Variants in IQCM observed in about 807,000 individuals in gnomAD.
IQCM encodes IQ domain-containing protein M.
IQCM carries 45 observed loss-of-function variants against 57.6 expected under a neutral mutation model. The observed-to-expected ratio is 0.78, with a 90% CI of 0.62 to 1.00. The LOEUF is 1.00. Among genes scored for constraint, IQCM ranks in the 50% least tolerant of loss-of-function variants. IQCM has a pLI of 0.00. For missense variants in IQCM, 468 were observed against 511.6 expected, an observed-to-expected ratio of 0.91 and a Z score of 0.82; for synonymous variants, 148 against 158.9, an observed-to-expected ratio of 0.93 and a Z score of 0.51.
intron 12 of IQCM, among the ~76,000 whole-genome samples, chr4:149,441,558 G>T (rs796582711): frequency 6.6e-6 from 1 of 152,256 alleles, no homozygotes; most frequent in South Asian, 2.1e-4. Context: ...TGGGTTAGCA[G>T]CTGAGTCATT....
intron 7 of IQCM, among the ~76,000 whole-genome samples, chr4:149,649,932 A>T (rs921484257): frequency 6.6e-6 from 1 of 152,224 alleles, no homozygotes; most frequent in Non-Finnish European, 1.5e-5. Context: ...TATCATAAAG[A>T]GAACAATGTT....
chr4:149,574,366 C>A (rs1751448123), intron 9 of IQCM, among the ~76,000 whole-genome samples: 1 of 151,884 alleles, frequency 6.6e-6, no homozygotes, highest in South Asian at 2.1e-4. Context: ...AAATGTGAGT[C>A]ATTAAAGGCA....
intron 5 of IQCM, among the ~76,000 whole-genome samples, chr4:149,719,269 A>G (rs1043471110): frequency 6.6e-5 from 10 of 152,010 alleles, no homozygotes; most frequent in Non-Finnish European, 1.5e-4. Context: ...ACTTGAACCC[A>G]GGAGGTGGAG....
intron 8 of IQCM, among the ~76,000 whole-genome samples, chr4:149,611,784 C>A (rs78536288): frequency 0.017 from 2,608 of 151,506 alleles, 77 homozygotes; most frequent in African/African-American, 0.06. Context: ...AACAATAGGG[C>A]AACTATGGTT....
In IQCM at chr4:149,354,377, A is replaced by AAAAAAAAAAC. The variant is rs1728800475; in HGVS notation, c.1391-2312_1391-2311insGTTTTTTTTT. Among the ~76,000 whole-genome samples, 2 of 141,978 alleles carry AAAAAAAAAAC rather than the reference A, an allele frequency of 1.4e-5. 1 individual carries two copies. The highest frequency in any genetic ancestry group is 5.2e-5 in the African/African-American group (2 of 38,160). The allele number at this position is 141,978 out of a possible 152,430, so 93.1% of individuals were successfully genotyped here. A position where few individuals can be genotyped will look rare whatever the true frequency, so the allele number is the denominator to read the frequency against. ...AGACTCCGTCTCAAAAAAAAAAAAA[A>AAAAAAAAAAC]AAAAAAAAAAAACTGACAAATTAGG... On this transcript the variant is annotated intron_variant, in intron 13 of 13. Transcript: ENST00000636793.
chr4:149,703,888 T>C (rs1414889658), intron 5 of IQCM, among the ~76,000 whole-genome samples: 1 of 151,820 alleles, frequency 6.6e-6, no homozygotes, highest in Non-Finnish European at 1.5e-5. Context: ...GTTCTAACGT[T>C]CTCTAGAACC....
chr4:149,393,195 A>C lies in IQCM; in HGVS notation c.1390+40201T>G, dbSNP rs72953684. On this transcript the variant is annotated intron_variant, in intron 13 of 13. Coordinates refer to ENST00000636793, the MANE Select transcript of IQCM (RefSeq NM_001363507.2). Reference sequence around the variant, plus strand: ...CTCCAAAAAATATATACGCATATATAAATAAATAATAAAATACTATTAAAA... The same window carrying C: ...CTCCAAAAAATATATACGCATATATCAATAAATAATAAAATACTATTAAAA... Among the ~76,000 whole-genome samples, 383 of 152,146 alleles carry C rather than the reference A, an allele frequency of 2.5e-3. 3 individuals are homozygous for C. The highest frequency in any genetic ancestry group is 8.6e-3 in the African/African-American group (357 of 41,562).
intron 13 of IQCM, among the ~76,000 whole-genome samples, chr4:149,394,741 G>A (rs1001720453): frequency 1.3e-4 from 20 of 151,944 alleles, no homozygotes; most frequent in Admixed American, 7.9e-4. Flanking sequence ...AAAGGATCTA[G>A]CTTCCACAGT....
intron 13 of IQCM, among the ~76,000 whole-genome samples, chr4:149,393,994 T>C (rs1247976709): frequency 1.3e-5 from 2 of 152,020 alleles, no homozygotes; most frequent in Admixed American, 1.3e-4. Context: ...CTAAAAACAC[T>C]GAACAGTAGT....
chr4:149,466,162 CA>C (rs1337118388), intron 12 of IQCM, among the ~76,000 whole-genome samples: 17 of 152,202 alleles, frequency 1.1e-4, no homozygotes. Context: ...ACACTTCTAT[CA>C]TATCAGCTAG....
At chr4:149,762,840 AC>A (rs1769664934) in intron 2 of IQCM, among the ~76,000 whole-genome samples, 1 of 151,980 alleles carries the variant, frequency 6.6e-6, no homozygotes, top group African/African-American at 2.4e-5. Flanking sequence ...TTTCCTAATT[AC>A]TCTTATAAGG....
chr4:149,623,570 A>G (rs1346149591), intron 7 of IQCM, among the ~76,000 whole-genome samples: 2 of 152,218 alleles, frequency 1.3e-5, no homozygotes, highest in South Asian at 2.1e-4. Flanking sequence ...AACAAATTCC[A>G]GTTTATTCCA....
intron 12 of IQCM, among the ~76,000 whole-genome samples, chr4:149,461,046 C>G (rs1167136225): frequency 2.0e-5 from 3 of 152,010 alleles, no homozygotes; most frequent in Non-Finnish European, 2.9e-5. Context: ...ACCAGCCTGA[C>G]AGACATGGAG....
At chr4:149,424,756 T>G (rs1734351144) in intron 13 of IQCM, among the ~76,000 whole-genome samples, 1 of 152,014 alleles carries the variant, frequency 6.6e-6, no homozygotes, top group African/African-American at 2.4e-5. Context: ...TATTTAACTA[T>G]TCCCCTATTG....
intron 7 of IQCM, among the ~76,000 whole-genome samples, chr4:149,670,952 T>TG (rs1554019072): frequency 6.6e-6 from 1 of 151,916 alleles, no homozygotes; most frequent in African/African-American, 2.4e-5. Flanking sequence ...TTTTTTTTTT[T>TG]TTGTTGTGTC....
At chr4:149,480,833 C>G (rs970791522) in intron 12 of IQCM, among the ~76,000 whole-genome samples, 2 of 152,158 alleles carry the variant, frequency 1.3e-5, no homozygotes, top group Non-Finnish European at 2.9e-5. Flanking sequence ...TGAGGAACTT[C>G]CACACTGTTG....
intron 2 of IQCM, among the ~76,000 whole-genome samples, chr4:149,802,762 A>G (rs758307450): frequency 3.3e-5 from 5 of 152,008 alleles, no homozygotes; most frequent in Non-Finnish European, 7.4e-5. Flanking sequence ...TATAGTAAAG[A>G]GACTTTTAAA....
intron 8 of IQCM, among the ~76,000 whole-genome samples, chr4:149,610,096 C>T (rs1404137635): frequency 6.6e-6 from 1 of 151,644 alleles, no homozygotes; most frequent in Non-Finnish European, 1.5e-5. Flanking sequence ...TGCAAACAAT[C>T]TGAAAAAGAA....
chr4:149,370,539 ACTATACACACACTATACACACT>A (rs1287083429), intron 13 of IQCM, among the ~76,000 whole-genome samples: 4 of 151,296 alleles, frequency 2.6e-5, no homozygotes, highest in African/African-American at 9.7e-5. Flanking sequence ...ACACATACAC[ACTATACACACACTATACACACT>A]CTATACACAC....
Sources: allele counts gnomAD v4.1 joint callset (sites outside exome capture counted in the v4.1 genomes callset), GRCh38; gene constraint gnomAD v4.1.1; transcripts MANE v1.5; gene names NCBI Gene and HGNC (gene_info 2026-07-23, HGNC 2026-07-21).